The following CACNA1G variants were observed in gnomAD, a reference collection of about 807,000 sequenced individuals.
CACNA1G encodes voltage-dependent T-type calcium channel subunit alpha-1G.
Under a neutral mutation model 219.4 loss-of-function variants are expected in CACNA1G, and 67 were observed. That is an observed-to-expected ratio of 0.31 (90% CI 0.25 to 0.37). The LOEUF (loss-of-function observed/expected upper bound fraction) is 0.37, where lower values mean the gene tolerates loss of function less well. CACNA1G is among the 10% of genes least tolerant of loss of function. The pLI, the probability that CACNA1G is intolerant of heterozygous loss-of-function variation, is 1.00. For synonymous variants in CACNA1G, 1,296 were observed against 1,345.3 expected, an observed-to-expected ratio of 0.96 and a Z score of 0.80; for missense variants, 2,380 against 3,231.4, an observed-to-expected ratio of 0.74 and a Z score of 6.39.
chr17:50,620,457 C>T (rs149860335), intron 34 of CACNA1G, among the ~76,000 whole-genome samples: 27 of 152,322 alleles, frequency 1.8e-4, no homozygotes, highest in African/African-American at 5.5e-4. Flanking sequence ...CTTCCCACAG[C>T]GCCACATGGC....
chr17:50,625,219 C>T (rs373173569), intron 37 of CACNA1G, among the ~76,000 whole-genome samples: 6 of 152,146 alleles, frequency 3.9e-5, no homozygotes, highest in African/African-American at 7.2e-5. Context: ...CCCAAAGTGC[C>T]GGGATTACAG....
At chr17:50,572,114 GGTTGCTACTGACATATCT>G in intron 5 of CACNA1G, 77 bp downstream of exon 5, 3 of 1,456,472 alleles carry the variant, frequency 2.1e-6, no homozygotes, top group Non-Finnish European at 2.8e-6. Context: ...CCTCACTTCC[GGTTGCTACTGACATATCT>G]GTTCTAACAT....
chr17:50,575,012 G>A (rs938492336), intron 7 of CACNA1G, among the ~76,000 whole-genome samples: 5 of 152,254 alleles, frequency 3.3e-5, no homozygotes, highest in Middle Eastern at 3.4e-3. Context: ...ATGGCTAAGG[G>A]TCTCTCGCCC....
intron 3 of CACNA1G, 31 bp from the exon 4 acceptor site, chr17:50,569,675 A>C: frequency 6.6e-7 from 1 of 1,510,026 alleles, no homozygotes; most frequent in Non-Finnish European, 9.0e-7. Flanking sequence ...CCTCAGACTC[A>C]AAGGGCCTCC....
Position 50,598,188 on chromosome 17 carries a change from C to T in CACNA1G, c.3259-1240C>T, listed in dbSNP as rs192173824. Among the ~76,000 whole-genome samples the T allele has an allele frequency of 8.3e-4, 126 of 152,268 alleles. 2 individuals are homozygous for T. Among genetic ancestry groups the T allele is most frequent in the African/African-American group, 2.2e-3 (91 of 41,554 alleles). On this transcript the variant is annotated intron_variant, in intron 16 of 37. Transcript: ENST00000359106. The stretch of plus-strand genomic sequence containing the variant: ...GATTATAGGCATGTGCCACCATGTC[C>T]GGCTAATTTTTTGTATTTTTAGTAG...
chr17:50,610,012 C>A, intron 26 of CACNA1G, 77 bp downstream of exon 26: 27 of 1,426,786 alleles, frequency 1.9e-5, no homozygotes, highest in Non-Finnish European at 2.5e-5. Flanking sequence ...TTGATTCTAT[C>A]CTCTTGGGGT....
At chr17:50,569,914 T>A in intron 4 of CACNA1G, 111 bp downstream of exon 4, 2 of 778,756 alleles carry the variant, frequency 2.6e-6, no homozygotes, top group Non-Finnish European at 4.2e-6. Context: ...ACAGGCCCCG[T>A]CAGAGAAGGG....
At position 50,561,780 on chromosome 17, in the gene CACNA1G, G is replaced by A. The variant is rs1443036959; in HGVS notation, c.242+79G>A. On this transcript the variant is annotated intron_variant, in intron 1 of 37. Transcript: ENST00000359106. Reference sequence around the variant, plus strand: ...ACCGCCGGGGGTCGGGGGGGAAGAAGACCCACCGCCAGGTGAGTCGAAGTG... The same window carrying A: ...ACCGCCGGGGGTCGGGGGGGAAGAAAACCCACCGCCAGGTGAGTCGAAGTG... The A allele has an allele frequency of 5.4e-6, 6 of 1,108,810 alleles. No homozygotes were observed. The African/African-American group carries it at 9.1e-5, about 17-fold the overall frequency. 68.7% of individuals were successfully genotyped at this position (1,108,810 alleles called of 1,614,324 possible). A position where few individuals can be genotyped will look rare whatever the true frequency, so the allele number is the denominator to read the frequency against.
intron 1 of CACNA1G, among the ~76,000 whole-genome samples, chr17:50,568,091 G>A (rs1300194700): frequency 1.3e-5 from 2 of 152,184 alleles, no homozygotes; most frequent in Non-Finnish European, 2.9e-5. Flanking sequence ...GGTGTTGAGA[G>A]GTTGGGAGGC....
chr17:50,616,213 G>C lies in CACNA1G; in HGVS notation c.4912-62G>C, dbSNP rs1340462024. 11 of 978,538 alleles carry C rather than the reference G, an allele frequency of 1.1e-5. No individual in the cohort carries two copies. The African/African-American group carries it at 1.6e-4, about 14-fold the overall frequency. 60.6% of individuals were successfully genotyped at this position (978,538 alleles called of 1,614,324 possible). On this transcript the variant is annotated intron_variant, in intron 27 of 37. Coordinates refer to ENST00000359106, the MANE Select transcript of CACNA1G (RefSeq NM_018896.5). ...GACCTGGGCGGTATGATGGAGGGGC[G>C]GGGGGACAAGCCCCAGCCCTGGGCC... is the stretch of plus-strand genomic sequence containing the variant.
chr17:50,615,357 T>C lies in CACNA1G; in HGVS notation c.4760-4T>C. The C allele has an allele frequency of 6.3e-7, 1 of 1,585,976 alleles. No individual in the cohort carries two copies. Among genetic ancestry groups the C allele is most frequent in the South Asian group, 1.1e-5 (1 of 88,332 alleles). ...TTGCTCTGCTCTTCCCCCTGCCCCA[T>C]CAGAAGCCCAGTGCAAACCTTACTA... On this transcript the variant is annotated splice_polypyrimidine_tract_variant and splice_region_variant and intron_variant, in intron 26 of 37. Transcript: ENST00000359106.
chr17:50,598,292 G>A (rs2045964260), intron 16 of CACNA1G, among the ~76,000 whole-genome samples: 1 of 152,248 alleles, frequency 6.6e-6, no homozygotes, highest in Non-Finnish European at 1.5e-5. Context: ...GCCTCCCAAA[G>A]TGCTGGGATT....
intron 1 of CACNA1G, chr17:50,563,648 A>G (rs1372775300): frequency 6.6e-6 from 1 of 152,306 alleles, no homozygotes; most frequent in East Asian, 1.9e-4. Flanking sequence ...GACGGGGGCA[A>G]GTGTTGAGGC....
chr17:50,603,258 C>A lies in CACNA1G; in HGVS notation c.4169+59C>A, dbSNP rs1194422101. ...GAGGTGGCCCCCTCCGCAGGGACAT[C>A]TCCCACCGCCAGCACTCCCTGCCAC... On this transcript the variant is annotated intron_variant, in intron 21 of 37. Coordinates refer to ENST00000359106, the MANE Select transcript of CACNA1G (RefSeq NM_018896.5). This position sits in a 1 kb window ranked among gnomAD's most constrained non-coding sequence, Gnocchi z 6.4. The A allele has an allele frequency of 3.5e-6, 5 of 1,434,618 alleles. No homozygotes were observed. Among genetic ancestry groups the A allele is most frequent in the Non-Finnish European group, 4.7e-6 (5 of 1,053,930 alleles). 88.9% of individuals were successfully genotyped at this position (1,434,618 alleles called of 1,614,324 possible).
intron 7 of CACNA1G, chr17:50,573,344 T>C (rs2039880520): frequency 3.8e-6 from 2 of 522,194 alleles, no homozygotes; most frequent in Non-Finnish European, 6.9e-6. Context: ...TCATTCTCCA[T>C]GAGGCCTCCA....
intron 19 of CACNA1G, 45 bp from the exon 20 acceptor site, chr17:50,602,775 G>A (rs1227622613): frequency 1.3e-6 from 2 of 1,590,910 alleles, no homozygotes; most frequent in Non-Finnish European, 8.6e-7. Context: ...TGGCCCAAGG[G>A]TGGGGGCTTC....
intron 28 of CACNA1G, among the ~76,000 whole-genome samples, chr17:50,616,631 G>A (rs1256076041): frequency 2.0e-5 from 3 of 152,190 alleles, no homozygotes; most frequent in East Asian, 1.9e-4. Context: ...AGAAATCAGT[G>A]TGACCTAGCC....
At position 50,626,162 on chromosome 17, in the gene CACNA1G, G is replaced by C. The variant is rs1233837845; in HGVS notation, c.6545G>C (p.Arg2182Pro). 1.9e-6 allele frequency: 3 copies of C among 1,613,710 alleles called. No individual in the cohort carries two copies. The South Asian group carries it at 3.3e-5, about 18-fold the overall frequency. Residue 2182 changes from arginine (R) to proline (P), a missense_variant, in exon 38 of 38, where the codon CGC becomes CCC. Physicochemically the swap from Arg to Pro is moderately radical, Grantham distance 103. Around this residue, in one of 17 missense-constraint regions of CACNA1G, gnomAD observed 672 missense variants for 670.5 expected, o/e 1.00. Coordinates refer to ENST00000359106, the MANE Select transcript of CACNA1G (RefSeq NM_018896.5). The surrounding 1 kb of genome is among the most constrained non-coding windows in gnomAD (Gnocchi z 4.3). ...QSSTQAQQHSRSHSKISKHMT... is the reference protein window; with the variant it reads ...QSSTQAQQHSPSHSKISKHMT... Reference sequence around the variant, plus strand: ...AGTACCCAGGCACAGCAGCACTCCCGCAGCCACAGCAAGATCTCCAAGCAC... The same window carrying C: ...AGTACCCAGGCACAGCAGCACTCCCCCAGCCACAGCAAGATCTCCAAGCAC...
In CACNA1G at chr17:50,591,978, T is replaced by A. The variant is rs759885422; in HGVS notation, c.2796T>A (p.Gly932=). The change falls in exon 13 of 38, where the codon GGT becomes GGA. Residue 932 remains glycine, a synonymous_variant. Transcript: ENST00000359106. ...ACTGGAACAAAGTCCTCTACAATGG[T>A]ATGGCCTCCACGTCGTCCTGGGCGG... ...QEDWNKVLYN[G]MASTSSWAAL... 1 of 1,613,844 alleles carries A rather than the reference T, an allele frequency of 6.2e-7. No individual in the cohort carries two copies. The highest frequency in any genetic ancestry group is 8.5e-7 in the Non-Finnish European group (1 of 1,179,874).
Sources: gnomAD v4.1 joint callset for allele counts (sites outside exome capture counted in the v4.1 genomes callset) on GRCh38, gnomAD v4.1.1 for gene constraint, gnomAD v4.1.1 regional missense constraint, Gnocchi (gnomAD v3.1) non-coding constraint, MANE v1.5 for transcripts, NCBI Gene and HGNC (gene_info 2026-07-23, HGNC 2026-07-21) for gene names.